The following MAGI2 variants were observed in gnomAD, a reference collection of about 807,000 sequenced individuals.
The protein encoded by MAGI2 is membrane associated guanylate kinase, WW and PDZ domain containing 2.
A neutral mutation model predicts 133.3 loss-of-function variants in MAGI2; 35 were observed. The ratio of observed to expected loss-of-function variants is 0.26; its 90% CI spans 0.20 to 0.35. The LOEUF (loss-of-function observed/expected upper bound fraction) is 0.35. Among genes scored for constraint, MAGI2 ranks in the 10% least tolerant of loss-of-function variants. The pLI, the probability that MAGI2 is intolerant of heterozygous loss-of-function variation, is 1.00. For missense variants in MAGI2, 1,636 were observed against 1,863.4 expected (o/e 0.88, Z 2.25); for synonymous variants, 729 against 710.6 (o/e 1.03, Z -0.41).
intron 4 of MAGI2, among the ~76,000 whole-genome samples, chr7:78,520,580 A>T (rs933549175): frequency 6.6e-6 from 1 of 152,154 alleles, no homozygotes; most frequent in Non-Finnish European, 1.5e-5. Flanking sequence ...CCATTAAAAA[A>T]TAAATAATAA....
chr7:78,571,107 T>C (rs530932239), intron 3 of MAGI2, among the ~76,000 whole-genome samples: 55 of 152,306 alleles, frequency 3.6e-4, no homozygotes, highest in African/African-American at 1.3e-3. Flanking sequence ...GTCATGTTGA[T>C]TTAGTTTAAA....
chr7:78,263,756 A>G (rs1467206339), intron 9 of MAGI2, among the ~76,000 whole-genome samples: 1 of 152,130 alleles, frequency 6.6e-6, no homozygotes, highest in Admixed American at 6.6e-5. Context: ...TTTTCACTTA[A>G]CATCCTTTAG....
At chr7:78,504,094 A>G (rs567462994) in intron 4 of MAGI2, among the ~76,000 whole-genome samples, 47 of 152,314 alleles carry the variant, frequency 3.1e-4, no homozygotes, top group African/African-American at 1.0e-3. Flanking sequence ...AGAAAAATAC[A>G]TGAAGACCTA....
chr7:78,850,598 T>C (rs1052355964), intron 2 of MAGI2, among the ~76,000 whole-genome samples: 2 of 152,226 alleles, frequency 1.3e-5, no homozygotes, highest in Non-Finnish European at 1.5e-5. Flanking sequence ...TTCTTATCCT[T>C]ACTTCCTTGA....
intron 1 of MAGI2, among the ~76,000 whole-genome samples, chr7:79,436,097 T>C (rs868398273): frequency 6.6e-6 from 1 of 152,058 alleles, no homozygotes. Context: ...CCCTATATAT[T>C]ATCATATACA....
chr7:78,181,499 G>A (rs533376648), intron 13 of MAGI2, among the ~76,000 whole-genome samples: 20 of 152,308 alleles, frequency 1.3e-4, no homozygotes, highest in African/African-American at 4.3e-4. Context: ...CAGCTCAAGA[G>A]GAGGCAGTGG....
chr7:78,759,934 C>T lies in MAGI2; in HGVS notation c.419-132695G>A, dbSNP rs368158695. On this transcript the variant is annotated intron_variant, in intron 2 of 21. Transcript: ENST00000354212. ...TGAGGTCAGCACTTCGAGACCAGCC[C>T]GGCCAATATGTCTCTACTAAAAATA... Among the ~76,000 whole-genome samples, 149 of 152,040 alleles carry T rather than the reference C, an allele frequency of 9.8e-4. No individual in the cohort carries two copies. The East Asian group carries it at 0.014, about 14-fold the overall frequency.
intron 10 of MAGI2, among the ~76,000 whole-genome samples, chr7:78,243,523 G>A (rs1298934594): frequency 6.6e-6 from 1 of 151,938 alleles, no homozygotes; most frequent in Non-Finnish European, 1.5e-5. Context: ...AAATTTTAAA[G>A]CAAAAACACA....
chr7:78,032,255 C>T (rs956851563), intron 21 of MAGI2, among the ~76,000 whole-genome samples: 2 of 152,126 alleles, frequency 1.3e-5, no homozygotes, highest in African/African-American at 4.8e-5. Context: ...TCTTTAGTCA[C>T]CCAGGCTGCA....
At chr7:78,986,096 G>A (rs1805236892) in intron 2 of MAGI2, among the ~76,000 whole-genome samples, 1 of 152,078 alleles carries the variant, frequency 6.6e-6, no homozygotes, top group South Asian at 2.1e-4. Context: ...CTAATGAAGA[G>A]TTTGGCAATT....
intron 2 of MAGI2, among the ~76,000 whole-genome samples, chr7:78,643,137 C>T (rs1159118486): frequency 6.6e-6 from 1 of 152,134 alleles, no homozygotes; most frequent in Non-Finnish European, 1.5e-5. Flanking sequence ...ATACATACAA[C>T]TATTACATAT....
chr7:78,666,840 C>T (rs1012973612), intron 2 of MAGI2, among the ~76,000 whole-genome samples: 1 of 152,096 alleles, frequency 6.6e-6, no homozygotes, highest in Admixed American at 6.6e-5. Context: ...GCTGTCATGG[C>T]TAAAAGTGAA....
intron 6 of MAGI2, among the ~76,000 whole-genome samples, chr7:78,478,519 G>A (rs966508320): frequency 6.6e-6 from 1 of 152,010 alleles, no homozygotes; most frequent in South Asian, 2.1e-4. Flanking sequence ...CTACATCACA[G>A]AGTAGATTCA....
chr7:78,228,062 A>G (rs186205682), intron 10 of MAGI2, among the ~76,000 whole-genome samples: 3 of 152,310 alleles, frequency 2.0e-5, no homozygotes, highest in South Asian at 2.1e-4. Flanking sequence ...GCTCAAACCA[A>G]TGAGTGTGGC....
chr7:78,588,139 C>T (rs117241902), intron 3 of MAGI2, among the ~76,000 whole-genome samples: 2 of 152,276 alleles, frequency 1.3e-5, no homozygotes, highest in East Asian at 1.9e-4. Flanking sequence ...GTGTCACAGG[C>T]CTCCCAGAAT....
At chr7:78,348,180 C>T (rs948735246) in intron 7 of MAGI2, among the ~76,000 whole-genome samples, 20 of 152,122 alleles carry the variant, frequency 1.3e-4, no homozygotes, top group Non-Finnish European at 2.5e-4. Flanking sequence ...TATCTTTCCA[C>T]GAGAGATTCA....
intron 2 of MAGI2, among the ~76,000 whole-genome samples, chr7:78,756,319 G>A (rs890888044): frequency 6.6e-6 from 1 of 152,160 alleles, no homozygotes; most frequent in African/African-American, 2.4e-5. Flanking sequence ...TTCTATCATT[G>A]CAAAAGTAAA....
At chr7:79,246,377 T>G (rs886264255) in intron 1 of MAGI2, among the ~76,000 whole-genome samples, 5 of 152,204 alleles carry the variant, frequency 3.3e-5, no homozygotes, top group Non-Finnish European at 7.3e-5. Context: ...AATAGCTGTT[T>G]TGAGGAAACT....
intron 2 of MAGI2, among the ~76,000 whole-genome samples, chr7:78,639,320 T>C (rs908305113): frequency 3.9e-5 from 6 of 152,034 alleles, no homozygotes; most frequent in African/African-American, 1.5e-4. Context: ...TTATATGGCA[T>C]AAATCACATG....
Sources: gnomAD v4.1 joint callset for allele counts (sites outside exome capture counted in the v4.1 genomes callset) on GRCh38, gnomAD v4.1.1 for gene constraint, MANE v1.5 for transcripts, NCBI Gene and HGNC (gene_info 2026-07-23, HGNC 2026-07-21) for gene names.